STAG1: variants seen among roughly 807,000 people sequenced by gnomAD.
STAG1 encodes the protein STAG1 cohesin complex component.
In STAG1, 26 loss-of-function variants were observed where a neutral mutation model predicts 170.9. The observed-to-expected ratio is 0.15, with a 90% CI of 0.11 to 0.21. STAG1 has a LOEUF of 0.21. STAG1 is among the 10% of genes least tolerant of loss of function. The pLI is 1.00. For missense variants in STAG1, 964 were observed against 1,509.5 expected, an observed-to-expected ratio of 0.64 and a Z score of 5.99; for synonymous variants, 514 against 497.7, an observed-to-expected ratio of 1.03 and a Z score of -0.44.
chr3:136,549,903 C>T (rs1936314371), intron 5 of STAG1, among the ~76,000 whole-genome samples: 1 of 152,070 alleles, frequency 6.6e-6, no homozygotes. Flanking sequence ...TTTTATAAAA[C>T]TCTTTGTCTG....
chr3:136,622,154 A>AG (rs1553755930), intron 3 of STAG1, among the ~76,000 whole-genome samples: 2 of 150,262 alleles, frequency 1.3e-5, no homozygotes, highest in African/African-American at 2.4e-5. Context: ...AAAAAAAAAA[A>AG]AAAAGAAAAG....
rs562958112 is a variant in STAG1 at position 136,433,454 on chromosome 3, C to G, written c.1650+102G>C. On this transcript the variant is annotated intron_variant, in intron 16 of 33. Transcript: ENST00000383202. Reference sequence around the variant, plus strand: ...CCATAGTCCATCATTTATAAAAACACCATGTTTTTAGGGATACAAATATCA... The same window carrying G: ...CCATAGTCCATCATTTATAAAAACAGCATGTTTTTAGGGATACAAATATCA... 7 of 798,178 alleles carry G rather than the reference C, an allele frequency of 8.8e-6. No homozygotes were observed. In the South Asian group the frequency reaches 1.1e-4, roughly 13 times the overall value. 49.4% of individuals were successfully genotyped at this position (798,178 alleles called of 1,614,324 possible). A position where few individuals can be genotyped will look rare whatever the true frequency, so the allele number is the denominator to read the frequency against.
chr3:136,429,956 T>C (rs1205391105), intron 16 of STAG1: 2 of 152,246 alleles, frequency 1.3e-5, no homozygotes, highest in Non-Finnish European at 2.9e-5. Context: ...ACATACAAAA[T>C]GTGTTAATCC....
In STAG1 at chr3:136,391,368, C is replaced by CTT. The variant is rs5852844; in HGVS notation, c.2277+7379_2277+7380dup. On this transcript the variant is annotated intron_variant, in intron 22 of 33. Coordinates refer to ENST00000383202, the MANE Select transcript of STAG1 (RefSeq NM_005862.3). Reference sequence around the variant, plus strand: ...AGTAATAGGGCATTACTTTAGCCCTCTTTTTTTTTTTTTTTTTTTCTTTTT... The same window carrying CTT: ...AGTAATAGGGCATTACTTTAGCCCTCTTTTTTTTTTTTTTTTTTTTTCTTTTT... 3.7e-3 allele frequency among the ~76,000 whole-genome samples: 455 copies of CTT among 124,564 alleles called. 6 individuals are homozygous for CTT. Among genetic ancestry groups the CTT allele is most frequent in the African/African-American group, 7.3e-3 (247 of 33,910 alleles). 81.7% of individuals were successfully genotyped at this position (124,564 alleles called of 152,430 possible).
chr3:136,548,784 A>T (rs1200193277), intron 5 of STAG1, among the ~76,000 whole-genome samples: 1 of 152,144 alleles, frequency 6.6e-6, no homozygotes, highest in African/African-American at 2.4e-5. Context: ...GTCAAATTGT[A>T]ATCCCCAATG....
intron 1 of STAG1, among the ~76,000 whole-genome samples, chr3:136,688,849 A>G (rs1036185982): frequency 1.3e-5 from 2 of 152,200 alleles, no homozygotes; most frequent in African/African-American, 4.8e-5. Flanking sequence ...CAAAGGATGG[A>G]CAGCTTTCAA....
At chr3:136,631,837 A>C (rs1432571276) in intron 1 of STAG1, among the ~76,000 whole-genome samples, 1 of 152,178 alleles carries the variant, frequency 6.6e-6, no homozygotes, top group Non-Finnish European at 1.5e-5. Flanking sequence ...TCCGGACAGA[A>C]AGACAAAGTA....
Position 136,475,833 on chromosome 3 carries a change from G to T in STAG1, c.1026+1456C>A, listed in dbSNP as rs966821845. Among the ~76,000 whole-genome samples the T allele has an allele frequency of 2.0e-5, 3 of 152,110 alleles. No individual in the cohort carries two copies. The East Asian group carries it at 5.8e-4, about 29-fold the overall frequency. ...TGAAAGGCTAAAGAGAAAATGACAG[G>T]GCCAGGGTGTTTCATCACCAGTTCA... is the stretch of plus-strand genomic sequence containing the variant. On this transcript the variant is annotated intron_variant, in intron 10 of 33. Coordinates refer to ENST00000383202, the MANE Select transcript of STAG1 (RefSeq NM_005862.3).
At chr3:136,714,958 T>A (rs1943489076) in intron 1 of STAG1, among the ~76,000 whole-genome samples, 6 of 69,800 alleles carry the variant, frequency 8.6e-5, no homozygotes, top group Admixed American at 8.0e-4. Flanking sequence ...TATATATATA[T>A]ATATATTTTA....
intron 14 of STAG1, among the ~76,000 whole-genome samples, chr3:136,449,732 C>T (rs2088882883): frequency 6.6e-6 from 1 of 152,028 alleles, no homozygotes; most frequent in South Asian, 2.1e-4. Context: ...GACAAAACGC[C>T]TGAAACTAAG....
At chr3:136,471,859 A>C (rs139567995) in intron 12 of STAG1, among the ~76,000 whole-genome samples, 46 of 152,182 alleles carry the variant, frequency 3.0e-4, no homozygotes, top group African/African-American at 1.1e-3. Context: ...TATTTTTGAC[A>C]CAGGGTCCTG....
intron 6 of STAG1, among the ~76,000 whole-genome samples, chr3:136,527,199 T>C (rs1040060543): frequency 6.6e-6 from 1 of 152,180 alleles, no homozygotes; most frequent in Admixed American, 6.5e-5. Flanking sequence ...TTCCAACTTG[T>C]TTCCATTCTC....
rs972573772 is a variant in STAG1, at chr3:136,449,287, G to GT, written c.1428+2745dup. Among the ~76,000 whole-genome samples, 28 of 152,214 alleles carry GT rather than the reference G, an allele frequency of 1.8e-4. No individual in the cohort carries two copies. In the Middle Eastern group the frequency reaches 0.01, roughly 55 times the overall value. On this transcript the variant is annotated intron_variant, in intron 14 of 33. Transcript: ENST00000383202. Reference sequence around the variant, plus strand: ...TGAAAAATGCAATACAGGGCCAGGCGTGGTGGCTCACGCCTGTAATCCCAG... The same window carrying GT: ...TGAAAAATGCAATACAGGGCCAGGCGTTGGTGGCTCACGCCTGTAATCCCAG...
At chr3:136,614,522 A>G (rs571831099) in intron 3 of STAG1, among the ~76,000 whole-genome samples, 1 of 152,342 alleles carries the variant, frequency 6.6e-6, no homozygotes, top group East Asian at 1.9e-4. Context: ...TTCATGGAAA[A>G]TATGTTACAT....
chr3:136,453,927 G>C (rs375023557), intron 13 of STAG1, among the ~76,000 whole-genome samples: 6 of 151,642 alleles, frequency 4.0e-5, no homozygotes, highest in Non-Finnish European at 4.4e-5. Context: ...AGGTTTTCTG[G>C]GGGGGCAGGT....
intron 1 of STAG1, among the ~76,000 whole-genome samples, chr3:136,695,716 A>AG (rs1942865854): frequency 6.6e-6 from 1 of 152,194 alleles, no homozygotes; most frequent in African/African-American, 2.4e-5. Context: ...CATAAACAAG[A>AG]GGAAAAAGAT....
chr3:136,648,222 G>A (rs558266187), intron 1 of STAG1, among the ~76,000 whole-genome samples: 276 of 152,220 alleles, frequency 1.8e-3, no homozygotes, highest in African/African-American at 6.4e-3. Context: ...TTTTCAACTA[G>A]ACCATGGTTG....
At chr3:136,708,847 T>A (rs1943301031) in intron 1 of STAG1, among the ~76,000 whole-genome samples, 1 of 152,058 alleles carries the variant, frequency 6.6e-6, no homozygotes, top group Admixed American at 6.6e-5. Flanking sequence ...GACAATTATT[T>A]AAGTTGGGGT....
chr3:136,455,599 C>T (rs2089087237), intron 13 of STAG1, among the ~76,000 whole-genome samples: 1 of 152,168 alleles, frequency 6.6e-6, no homozygotes, highest in South Asian at 2.1e-4. Flanking sequence ...AACTGGTGCA[C>T]ATCACAGCAA....
Sources: allele counts gnomAD v4.1 joint callset (sites outside exome capture counted in the v4.1 genomes callset), GRCh38; gene constraint gnomAD v4.1.1; transcripts MANE v1.5; gene names NCBI Gene and HGNC (gene_info 2026-07-23, HGNC 2026-07-21).